TRIM36: variants seen among roughly 807,000 people sequenced by gnomAD.
TRIM36 encodes the protein E3 ubiquitin-protein ligase TRIM36.
A neutral mutation model predicts 72.4 loss-of-function variants in TRIM36; 42 were observed. That is an observed-to-expected ratio of 0.58 (90% CI 0.45 to 0.75). The LOEUF is 0.75. Among genes scored for constraint, TRIM36 ranks in the 30% least tolerant of loss-of-function variants. The pLI is 0.00. For synonymous variants in TRIM36, 315 were observed against 282.8 expected, an observed-to-expected ratio of 1.11 and a Z score of -1.14; for missense variants, 913 against 857.1, an observed-to-expected ratio of 1.07 and a Z score of -0.81.
upstream of TRIM36, among the ~76,000 whole-genome samples, chr5:115,171,892 T>C (rs1004406097): frequency 6.6e-6 from 1 of 152,210 alleles, no homozygotes; most frequent in Non-Finnish European, 1.5e-5. Context: ...GTTTTAGTTG[T>C]GTGAGCAACT....
In TRIM36 at chr5:115,126,316, T is replaced by A; in HGVS notation, c.*187A>T. 1.8e-6 allele frequency: 1 copy of A among 551,478 alleles called. No individual in the cohort carries two copies. Among genetic ancestry groups the A allele is most frequent in the Non-Finnish European group, 3.2e-6 (1 of 315,660 alleles). 34.2% of individuals were successfully genotyped at this position (551,478 alleles called of 1,614,324 possible). ...GGAAAGAACATCTTCACTTTCATCA[T>A]TTGTGAAAGGCAGAACAACGACATG... On this transcript the variant is annotated 3_prime_UTR_variant, in exon 10 of 10. Coordinates refer to ENST00000513154, the MANE Select transcript of TRIM36 (RefSeq NM_001300759.2).
At position 115,135,952 on chromosome 5, in the gene TRIM36, T is replaced by C. The variant is rs1752944736; in HGVS notation, c.1210+1048A>G. Reference sequence around the variant, plus strand: ...CTATAAAGTAATTATACTATAAATATATCTTTGTAGTGTTCACCATCACTA... The same window carrying C: ...CTATAAAGTAATTATACTATAAATACATCTTTGTAGTGTTCACCATCACTA... On this transcript the variant is annotated intron_variant, in intron 7 of 9. Transcript: ENST00000513154. Among the ~76,000 whole-genome samples the C allele has an allele frequency of 3.3e-5, 5 of 152,096 alleles. No homozygotes were observed. In the South Asian group the frequency reaches 1.0e-3, roughly 32 times the overall value.
chr5:115,176,684 C>T (rs1014458632), intron 1 of TRIM36, among the ~76,000 whole-genome samples: 2 of 151,964 alleles, frequency 1.3e-5, no homozygotes, highest in African/African-American at 4.8e-5. Context: ...ATTCCAGAAG[C>T]GGTGATAAAA....
At chr5:115,127,282 T>C (rs1184194132) in intron 9 of TRIM36, among the ~76,000 whole-genome samples, 2 of 152,238 alleles carry the variant, frequency 1.3e-5, no homozygotes, top group African/African-American at 4.8e-5. Flanking sequence ...ATATTTCAGT[T>C]GGGTGCAGTG....
intron 8 of TRIM36, 46 bp from the exon 9 acceptor site, chr5:115,130,935 T>C: frequency 1.3e-6 from 2 of 1,551,496 alleles, no homozygotes; most frequent in Admixed American, 1.9e-5. Flanking sequence ...TTATCATTGC[T>C]CTAGTTTGTT....
chr5:115,166,946 G>A (rs528242068), intron 1 of TRIM36, among the ~76,000 whole-genome samples: 8 of 152,316 alleles, frequency 5.3e-5, no homozygotes, highest in African/African-American at 1.9e-4. Flanking sequence ...GCCTGGCTGT[G>A]CACACTGTAC....
intron 8 of TRIM36, among the ~76,000 whole-genome samples, chr5:115,132,184 A>ATG (rs141231840): frequency 0.56 from 78,857 of 139,802 alleles, 22,728 homozygotes; most frequent in Non-Finnish European, 0.63. Context: ...CTCTCTCTCT[A>ATG]TGTGTGTGTG....
upstream of TRIM36, among the ~76,000 whole-genome samples, chr5:115,172,233 A>G (rs973997327): frequency 2.6e-5 from 4 of 152,174 alleles, no homozygotes; most frequent in Admixed American, 2.6e-4. Flanking sequence ...GACATTTTAC[A>G]AATCCTATCA....
intron 8 of TRIM36, among the ~76,000 whole-genome samples, chr5:115,131,753 A>G (rs1414409847): frequency 6.6e-6 from 1 of 152,214 alleles, no homozygotes; most frequent in Non-Finnish European, 1.5e-5. Flanking sequence ...TACATGCTAC[A>G]ACATGGATAA....
At chr5:115,163,851 A>G (rs1754621317) in intron 1 of TRIM36, 99 bp from the exon 2 acceptor site, 2 of 985,078 alleles carry the variant, frequency 2.0e-6, no homozygotes, top group African/African-American at 3.3e-5. Context: ...TTTTCCAAAA[A>G]GAATTAAGAA....
chr5:115,174,636 C>T (rs1229623554), upstream of TRIM36, among the ~76,000 whole-genome samples: 1 of 152,166 alleles, frequency 6.6e-6, no homozygotes, highest in Non-Finnish European at 1.5e-5. Context: ...AAATCCTCCT[C>T]ATCTTTCAAG....
At chr5:115,134,395 G>C (rs887511736) in intron 7 of TRIM36, among the ~76,000 whole-genome samples, 3 of 151,924 alleles carry the variant, frequency 2.0e-5, no homozygotes, top group African/African-American at 7.2e-5. Context: ...CTGACTCAAA[G>C]CCACAAGTAA....
chr5:115,126,327 C>T lies in TRIM36; in HGVS notation c.*176G>A. On this transcript the variant is annotated 3_prime_UTR_variant, in exon 10 of 10. Coordinates refer to ENST00000513154, the MANE Select transcript of TRIM36 (RefSeq NM_001300759.2). ...CTTCACTTTCATCATTTGTGAAAGG[C>T]AGAACAACGACATGAAGACACAAGG... 3.5e-6 allele frequency: 2 copies of T among 566,202 alleles called. No homozygotes were observed. Among genetic ancestry groups the T allele is most frequent in the East Asian group, 5.6e-5 (2 of 35,426 alleles). The allele number at this position is 566,202 out of a possible 1,614,324, so 35.1% of individuals were successfully genotyped here.
In TRIM36 at chr5:115,133,991, ACTT is replaced by A. The variant is rs762363516; in HGVS notation, c.1364_1366del (p.Glu455del). 3 of 1,613,900 alleles carry A rather than the reference ACTT, an allele frequency of 1.9e-6. No individual in the cohort carries two copies. Among genetic ancestry groups the A allele is most frequent in the Non-Finnish European group, 1.7e-6 (2 of 1,179,934 alleles). On this transcript the variant is annotated inframe_deletion, in exon 8 of 10. Transcript: ENST00000513154. ...TTGAATTATTTTACTTGTTCCACACACTTCTATCTCATTCCATGACATTTCATC... is the reference window on the plus strand; with the variant it reads ...TTGAATTATTTTACTTGTTCCACACACTATCTCATTCCATGACATTTCATC...
chr5:115,149,205 C>T (rs1380386661), intron 2 of TRIM36: 1 of 152,134 alleles, frequency 6.6e-6, no homozygotes, highest in East Asian at 1.9e-4. Flanking sequence ...AATCCAAACT[C>T]TTTCACACCA....
At chr5:115,136,961 G>T in intron 7 of TRIM36, 39 bp downstream of exon 7, 1 of 1,525,498 alleles carries the variant, frequency 6.6e-7, no homozygotes, top group South Asian at 1.3e-5. Flanking sequence ...TACAAATTCA[G>T]ACAAAAAGAA....
At chr5:115,157,680 T>C (rs1305562981) in intron 2 of TRIM36, among the ~76,000 whole-genome samples, 2 of 152,170 alleles carry the variant, frequency 1.3e-5, no homozygotes, top group Non-Finnish European at 2.9e-5. Flanking sequence ...CACATATGTT[T>C]ATGGCAGCAC....
intron 9 of TRIM36, among the ~76,000 whole-genome samples, chr5:115,130,205 T>C (rs897590786): frequency 2.8e-4 from 42 of 152,346 alleles, no homozygotes; most frequent in South Asian, 8.3e-4. Flanking sequence ...AAAGGACTTA[T>C]GGGAAAGTTT....
chr5:115,132,476 C>A (rs566640167), intron 8 of TRIM36, among the ~76,000 whole-genome samples: 1 of 148,524 alleles, frequency 6.7e-6, no homozygotes, highest in South Asian at 2.2e-4. Flanking sequence ...ACAGAGGTTG[C>A]AGTGAGCTAG....
Sources: gnomAD v4.1 joint callset for allele counts (sites outside exome capture counted in the v4.1 genomes callset) on GRCh38, gnomAD v4.1.1 for gene constraint, MANE v1.5 for transcripts, NCBI Gene and HGNC (gene_info 2026-07-23, HGNC 2026-07-21) for gene names.